POFUT1: variants seen among roughly 807,000 people sequenced by gnomAD.
The protein encoded by POFUT1 is GDP-fucose protein O-fucosyltransferase 1.
A neutral mutation model predicts 42.4 loss-of-function variants in POFUT1; 16 were observed. The observed-to-expected ratio is 0.38, with a 90% CI of 0.26 to 0.57. POFUT1 has a LOEUF of 0.57. POFUT1 is among the 20% of genes least tolerant of loss of function. The pLI is 0.71. For missense variants in POFUT1, 470 were observed against 504.6 expected (o/e 0.93, Z 0.66); for synonymous variants, 206 against 205.4 (o/e 1.00, Z -0.03).
Position 32,216,622 on chromosome 20 carries a change from T to G in POFUT1, c.443T>G (p.Phe148Cys), listed in dbSNP as rs1273147397. ...CTCTTTCTGCAGGAAGGAAACCCCT[T>G]TGGCCCATTCTGGGATCAGTTTCAT... Reference protein sequence around the residue: ...KTCPMKEGNPFGPFWDQFHVS... With the variant: ...KTCPMKEGNPCGPFWDQFHVS... Residue 148 changes from phenylalanine (F) to cysteine (C), a missense_variant, in exon 4 of 7, where the codon TTT becomes TGT. Phe to Cys is a radical substitution (Grantham distance 205). Coordinates refer to ENST00000375749, the MANE Select transcript of POFUT1 (RefSeq NM_015352.2). 2 of 1,612,238 alleles carry G rather than the reference T, an allele frequency of 1.2e-6. No homozygotes were observed. The highest frequency in any genetic ancestry group is 1.7e-5 in the Admixed American group (1 of 60,006).
intron 4 of POFUT1, among the ~76,000 whole-genome samples, chr20:32,219,903 A>G (rs894686906): frequency 1.3e-5 from 2 of 152,214 alleles, no homozygotes; most frequent in African/African-American, 4.8e-5. Context: ...TCCCTGCTGT[A>G]CAAAGTTTAA....
chr20:32,220,862 C>A (rs1468226271), intron 4 of POFUT1, among the ~76,000 whole-genome samples: 1 of 152,082 alleles, frequency 6.6e-6, no homozygotes, highest in Non-Finnish European at 1.5e-5. Context: ...ATACACTTGA[C>A]CTCTCCATGT....
At chr20:32,224,786 CCTCACTGTCTAGCA>C (rs2047406757) in intron 4 of POFUT1, among the ~76,000 whole-genome samples, 1 of 152,146 alleles carries the variant, frequency 6.6e-6, no homozygotes, top group Admixed American at 6.5e-5. Context: ...ATTGGAACGA[CCTCACTGTCTAGCA>C]AGAGGGAAAT....
chr20:32,223,812 AG>A (rs1404770219), intron 4 of POFUT1: 1 of 467,654 alleles, frequency 2.1e-6, no homozygotes, highest in Non-Finnish European at 2.8e-6. Flanking sequence ...CTCATTGTCA[AG>A]GGTGGGGGAG....
chr20:32,215,703 C>A (rs2047356433), intron 3 of POFUT1, among the ~76,000 whole-genome samples: 1 of 152,214 alleles, frequency 6.6e-6, no homozygotes. Flanking sequence ...CCTAAAGTGT[C>A]ATGAGGGCCA....
At chr20:32,210,652 C>T (rs2047322811) in intron 2 of POFUT1, among the ~76,000 whole-genome samples, 1 of 152,186 alleles carries the variant, frequency 6.6e-6, no homozygotes, top group South Asian at 2.1e-4. Context: ...TATTTAATGA[C>T]ATGTCCAAGG....
Position 32,236,471 on chromosome 20 carries a change from G to A in POFUT1, c.*1810G>A, listed in dbSNP as rs1046807367. 1 of 152,202 alleles carries A rather than the reference G, an allele frequency of 6.6e-6. No homozygotes were observed. The highest frequency in any genetic ancestry group is 2.4e-5 in the African/African-American group (1 of 41,448). The allele number at this position is 152,202 out of a possible 1,614,324, so 9.4% of individuals were successfully genotyped here. A position where few individuals can be genotyped will look rare whatever the true frequency, so the allele number is the denominator to read the frequency against. On this transcript the variant is annotated 3_prime_UTR_variant, in exon 7 of 7. Coordinates refer to ENST00000375749, the MANE Select transcript of POFUT1 (RefSeq NM_015352.2). ...TTCTGCCTCAGCCTCTCTGGTAGCT[G>A]AGACTGCATGCCCAGCTCCAAATCA... is the stretch of plus-strand genomic sequence containing the variant.
intron 4 of POFUT1, chr20:32,217,074 C>T (rs1193188504): frequency 6.2e-7 from 1 of 1,613,190 alleles, no homozygotes; most frequent in African/African-American, 1.3e-5. Context: ...TTCTAGAGAA[C>T]AGCTTCAGGT....
At chr20:32,214,023 C>A (rs963784286) in intron 2 of POFUT1, among the ~76,000 whole-genome samples, 1 of 152,064 alleles carries the variant, frequency 6.6e-6, no homozygotes, top group Non-Finnish European at 1.5e-5. Context: ...CCTATACTTT[C>A]ATTGTGGCAC....
At chr20:32,222,191 T>C (rs537706552) in intron 4 of POFUT1, among the ~76,000 whole-genome samples, 2 of 152,256 alleles carry the variant, frequency 1.3e-5, no homozygotes, top group South Asian at 4.1e-4. Context: ...TAATCCAAGC[T>C]ACTCAGGAGG....
chr20:32,218,603 A>G (rs1156749603), intron 4 of POFUT1, among the ~76,000 whole-genome samples: 6 of 152,152 alleles, frequency 3.9e-5, no homozygotes, highest in Non-Finnish European at 8.8e-5. Flanking sequence ...TTGATCCCAG[A>G]TAGCACACTC....
At chr20:32,210,710 G>A (rs2047323123) in intron 2 of POFUT1, among the ~76,000 whole-genome samples, 1 of 152,182 alleles carries the variant, frequency 6.6e-6, no homozygotes, top group Non-Finnish European at 1.5e-5. Context: ...ACCCCATCAA[G>A]GGGCTCCCTT....
chr20:32,224,342 AG>A (rs59286201), intron 4 of POFUT1, among the ~76,000 whole-genome samples: 8,036 of 152,180 alleles, frequency 0.053, 771 homozygotes, highest in African/African-American at 0.18. Context: ...CAGTGAACCA[AG>A]ATCACGCCGC....
chr20:32,214,587 C>A (rs1256295026), intron 2 of POFUT1, among the ~76,000 whole-genome samples: 1 of 152,174 alleles, frequency 6.6e-6, no homozygotes, highest in Non-Finnish European at 1.5e-5. Flanking sequence ...GTAATTGATG[C>A]CTCGTTATAA....
At chr20:32,227,199 C>T (rs1277322127) in intron 4 of POFUT1, among the ~76,000 whole-genome samples, 4 of 152,120 alleles carry the variant, frequency 2.6e-5, no homozygotes, top group African/African-American at 9.7e-5. Flanking sequence ...GAAGAGGGAA[C>T]ACAGGTTTGC....
intron 4 of POFUT1, chr20:32,217,348 A>G (rs1160437578): frequency 3.8e-5 from 44 of 1,162,292 alleles, no homozygotes; most frequent in Non-Finnish European, 4.5e-5. Flanking sequence ...TTAATGTTAT[A>G]GCATGGCAGG....
Position 32,208,023 on chromosome 20 carries a change from T to C in POFUT1, c.82T>C (p.Ser28Pro). ...LLPLPGMPAG[S>P]WDPAGYLLYC... ...GCCGCTCCCGGGGATGCCTGCGGGC[T>C]CCTGGGACCCGGCCGGTTACCTGCT... The change falls in exon 1 of 7, where the codon TCC becomes CCC. Residue 28 changes from serine (S) to proline (P), a missense_variant. Transcript: ENST00000375749. The C allele has an allele frequency of 6.3e-7, 1 of 1,577,066 alleles. No individual in the cohort carries two copies. Among genetic ancestry groups the C allele is most frequent in the Non-Finnish European group, 8.6e-7 (1 of 1,165,616 alleles).
intron 2 of POFUT1, among the ~76,000 whole-genome samples, 155 bp downstream of exon 2, chr20:32,210,347 CATTT>C (rs753040743): frequency 9.8e-5 from 15 of 152,348 alleles, no homozygotes; most frequent in Non-Finnish European, 1.6e-4. Context: ...CAATGCCTAA[CATTT>C]ATTTATCCAG....
At position 32,234,602 on chromosome 20, in the gene POFUT1, G is replaced by A; in HGVS notation, c.1108G>A (p.Gly370Arg). Residue 370 changes from glycine (G) to arginine (R), a missense_variant, in exon 7 of 7, where the codon GGG becomes AGG. Coordinates refer to ENST00000375749, the MANE Select transcript of POFUT1 (RefSeq NM_015352.2). The stretch of plus-strand genomic sequence containing the variant: ...TGTGAAGCGGGAGCGGGACCTCCAG[G>A]GGAGGCCGTCTTCTTTCTTCGGCAT... The part of the protein sequence containing the change: ...AFVKRERDLQ[G>R]RPSSFFGMDR... The A allele has an allele frequency of 6.2e-6, 10 of 1,614,088 alleles. No individual in the cohort carries two copies. The highest frequency in any genetic ancestry group is 8.5e-6 in the Non-Finnish European group (10 of 1,179,970).
Sources: allele counts gnomAD v4.1 joint callset (sites outside exome capture counted in the v4.1 genomes callset), GRCh38; gene constraint gnomAD v4.1.1; transcripts MANE v1.5; gene names NCBI Gene and HGNC (gene_info 2026-07-23, HGNC 2026-07-21).